The following CABLES1 variants were observed in gnomAD, a reference collection of about 807,000 sequenced individuals.
CABLES1 encodes the protein CDK5 and ABL1 enzyme substrate 1.
Under a neutral mutation model 57.8 loss-of-function variants are expected in CABLES1, and 36 were observed. That is an observed-to-expected ratio of 0.62 (90% CI 0.48 to 0.82). The LOEUF is 0.82. CABLES1 is among the 40% of genes least tolerant of loss of function. The pLI is 0.00. For synonymous variants in CABLES1, 374 were observed against 363.0 expected, an observed-to-expected ratio of 1.03 and a Z score of -0.35; for missense variants, 767 against 836.6, an observed-to-expected ratio of 0.92 and a Z score of 1.03.
chr18:23,250,573 G>A (rs578083965), intron 7 of CABLES1, among the ~76,000 whole-genome samples: 50 of 152,316 alleles, frequency 3.3e-4, no homozygotes, highest in African/African-American at 1.1e-3. Context: ...AAATAAACCT[G>A]TCTTGGAGGG....
chr18:23,246,533 A>G (rs1450590884), intron 7 of CABLES1, among the ~76,000 whole-genome samples: 2 of 151,884 alleles, frequency 1.3e-5, no homozygotes, highest in Non-Finnish European at 2.9e-5. Context: ...CTGGGACTAC[A>G]GGCACCCGCC....
At chr18:23,236,780 A>G (rs1184311667) in intron 6 of CABLES1, among the ~76,000 whole-genome samples, 1 of 152,142 alleles carries the variant, frequency 6.6e-6, no homozygotes, top group African/African-American at 2.4e-5. Context: ...GCGTCTCCAA[A>G]TTTGATCTGC....
At chr18:23,241,523 C>T (rs995234106) in intron 7 of CABLES1, among the ~76,000 whole-genome samples, 1 of 152,088 alleles carries the variant, frequency 6.6e-6, no homozygotes, top group South Asian at 2.1e-4. Context: ...AGCGAAACTA[C>T]GTCTCAAAAA....
In CABLES1 at chr18:23,257,525, G is replaced by C. The variant is rs2048197494; in HGVS notation, c.*158G>C. Reference sequence around the variant, plus strand: ...AGCAGTACTAGAAACTTTCCAAGGAGTCTTGGGTGTGTAGCCAAGAGGAGC... The same window carrying C: ...AGCAGTACTAGAAACTTTCCAAGGACTCTTGGGTGTGTAGCCAAGAGGAGC... On this transcript the variant is annotated 3_prime_UTR_variant, in exon 10 of 10. Transcript: ENST00000256925. The C allele has an allele frequency of 1.3e-6, 1 of 777,036 alleles. No individual in the cohort carries two copies. Among genetic ancestry groups the C allele is most frequent in the African/African-American group, 1.8e-5 (1 of 55,898 alleles). 48.1% of individuals were successfully genotyped at this position (777,036 alleles called of 1,614,324 possible). A position where few individuals can be genotyped will look rare whatever the true frequency, so the allele number is the denominator to read the frequency against.
chr18:23,145,226 C>T (rs539882100), intron 1 of CABLES1, among the ~76,000 whole-genome samples: 20 of 151,946 alleles, frequency 1.3e-4, no homozygotes, highest in African/African-American at 2.4e-4. Flanking sequence ...CATGAGCCAC[C>T]GTGCCTGGCC....
At chr18:23,218,245 AGCCCTGCCTCCCACATCCTCACTT>A (rs1307505439) in intron 4 of CABLES1, among the ~76,000 whole-genome samples, 168 of 151,620 alleles carry the variant, frequency 1.1e-3, no homozygotes, top group African/African-American at 3.2e-3. Flanking sequence ...CAAGCTTCCC[AGCCCTGCCTCCCACATCCTCACTT>A]GCCCTGCCTC....
chr18:23,211,696 C>T (rs2047405982), intron 3 of CABLES1, among the ~76,000 whole-genome samples: 1 of 152,274 alleles, frequency 6.6e-6, no homozygotes, highest in African/African-American at 2.4e-5. Context: ...AAGTTCCAAT[C>T]TCCACCCTGC....
chr18:23,146,156 A>G (rs1466994603), intron 1 of CABLES1, among the ~76,000 whole-genome samples: 2 of 152,256 alleles, frequency 1.3e-5, no homozygotes, highest in Non-Finnish European at 2.9e-5. Flanking sequence ...CAAAATGTCT[A>G]CTTCGATAGT....
intron 5 of CABLES1, among the ~76,000 whole-genome samples, chr18:23,235,159 A>G (rs2145082774): frequency 6.6e-6 from 1 of 152,262 alleles, no homozygotes; most frequent in South Asian, 2.1e-4. Context: ...ACATGCAACG[A>G]GTCGTGGGGT....
In CABLES1 at chr18:23,140,469, C is replaced by T. The variant is rs185557296; in HGVS notation, c.845+3862C>T. On this transcript the variant is annotated intron_variant, in intron 1 of 9. Transcript: ENST00000256925. ...TTTTTTTTTTTGAGATGGAGTCTTG[C>T]TCTGTCACCTAGGCTGGAGTGCAGT... Among the ~76,000 whole-genome samples the T allele has an allele frequency of 4.5e-3, 658 of 145,944 alleles. 5 individuals carry two copies. The highest frequency in any genetic ancestry group is 0.026 in the Middle Eastern group (7 of 272).
At chr18:23,215,697 T>A (rs867159865) in intron 4 of CABLES1, among the ~76,000 whole-genome samples, 2 of 152,294 alleles carry the variant, frequency 1.3e-5, no homozygotes, top group African/African-American at 2.4e-5. Context: ...CCTGAACAGC[T>A]TAGCAGGGGA....
chr18:23,171,708 C>T (rs749393313), intron 1 of CABLES1, among the ~76,000 whole-genome samples: 15 of 152,158 alleles, frequency 9.9e-5, no homozygotes, highest in African/African-American at 3.4e-4. Context: ...TCGCATCTAA[C>T]GGAGCCACAG....
intron 4 of CABLES1, among the ~76,000 whole-genome samples, chr18:23,226,098 A>T (rs754491920): frequency 6.6e-6 from 1 of 152,192 alleles, no homozygotes; most frequent in Non-Finnish European, 1.5e-5. Flanking sequence ...AAATAATACA[A>T]ACTTGACCTT....
chr18:23,247,628 C>T (rs2047929895), intron 7 of CABLES1, among the ~76,000 whole-genome samples: 1 of 152,234 alleles, frequency 6.6e-6, no homozygotes, highest in African/African-American at 2.4e-5. Flanking sequence ...AGGCACAGAG[C>T]TCCTAACCAG....
chr18:23,214,093 A>G lies in CABLES1; in HGVS notation c.1088+39A>G, dbSNP rs2047424478. ...TGCATGCTTTGTAGTTCTCTGGGTG[A>G]AAAGATCTCACACCAATGTACATAA... is the stretch of plus-strand genomic sequence containing the variant. On this transcript the variant is annotated intron_variant, in intron 4 of 9. Coordinates refer to ENST00000256925, the MANE Select transcript of CABLES1 (RefSeq NM_001100619.3). The G allele has an allele frequency of 2.1e-6, 3 of 1,412,426 alleles. No homozygotes were observed. The South Asian group carries it at 3.6e-5, about 17-fold the overall frequency. 87.5% of individuals were successfully genotyped at this position (1,412,426 alleles called of 1,614,324 possible).
intron 1 of CABLES1, among the ~76,000 whole-genome samples, chr18:23,179,905 GT>G (rs1796222394): frequency 6.6e-6 from 1 of 152,042 alleles, no homozygotes; most frequent in Non-Finnish European, 1.5e-5. Context: ...GTTTTGTTTT[GT>G]TTTTGTTTTT....
Position 23,136,179 on chromosome 18 carries a change from C to A in CABLES1, c.417C>A (p.Cys139Ter). 1 of 1,227,056 alleles carries A rather than the reference C, an allele frequency of 8.1e-7. No individual in the cohort carries two copies. Among genetic ancestry groups the A allele is most frequent in the Non-Finnish European group, 1.0e-6 (1 of 985,618 alleles). The allele number at this position is 1,227,056 out of a possible 1,614,324, so 76.0% of individuals were successfully genotyped here. A position where few individuals can be genotyped will look rare whatever the true frequency, so the allele number is the denominator to read the frequency against. Residue 139 changes from cysteine to a stop codon, truncating the protein, a stop_gained, in exon 1 of 10, where the codon TGC becomes TGA. Coordinates refer to ENST00000256925, the MANE Select transcript of CABLES1 (RefSeq NM_001100619.3). LOFTEE classifies it high-confidence loss of function. Reference protein sequence around the residue: ...AAGLAAGSGPCLPQPSSLPPL... With the variant: ...AAGLAAGSGP The stretch of plus-strand genomic sequence containing the variant: ...GGTTAGCCGCTGGGTCCGGCCCCTG[C>A]CTCCCACAGCCCTCGTCGCTGCCGC...
At chr18:23,172,653 CAT>C (rs2047090886) in intron 1 of CABLES1, among the ~76,000 whole-genome samples, 1 of 152,220 alleles carries the variant, frequency 6.6e-6, no homozygotes, top group African/African-American at 2.4e-5. Flanking sequence ...AGACCTCTGA[CAT>C]AGACTTTTTT....
rs61406442 is a variant in CABLES1, at chr18:23,138,216, C to T, written c.845+1609C>T. ...TAAAGGCAGCTGGAGATCAGATTAC[C>T]TCGCACGCTTTCTCCAAGAAACTCA... On this transcript the variant is annotated intron_variant, in intron 1 of 9. Coordinates refer to ENST00000256925, the MANE Select transcript of CABLES1 (RefSeq NM_001100619.3). 2.0e-3 allele frequency among the ~76,000 whole-genome samples: 310 copies of T among 152,268 alleles called. 7 individuals are homozygous for T. The East Asian group carries it at 0.055, about 27-fold the overall frequency.
Sources: gnomAD v4.1 joint callset for allele counts (sites outside exome capture counted in the v4.1 genomes callset) on GRCh38, gnomAD v4.1.1 for gene constraint, MANE v1.5 for transcripts, NCBI Gene and HGNC (gene_info 2026-07-23, HGNC 2026-07-21) for gene names.